The following ATP5F1C variants were observed in gnomAD, a reference collection of about 807,000 sequenced individuals.
ATP5F1C encodes the protein ATP synthase F1 subunit gamma, also known as ATP synthase F(1) complex subunit gamma, mitochondrial.
A neutral mutation model predicts 37.4 loss-of-function variants in ATP5F1C; 22 were observed. That is an observed-to-expected ratio of 0.59 (90% CI 0.42 to 0.84). ATP5F1C has a LOEUF of 0.84. ATP5F1C is among the 40% of genes least tolerant of loss of function. The pLI is 0.00. For synonymous variants in ATP5F1C, 121 were observed against 128.0 expected, an observed-to-expected ratio of 0.95 and a Z score of 0.37; for missense variants, 286 against 362.4, an observed-to-expected ratio of 0.79 and a Z score of 1.71.
intron 7 of ATP5F1C, 34 bp downstream of exon 7, chr10:7,802,459 T>C: frequency 6.3e-7 from 1 of 1,584,346 alleles, no homozygotes; most frequent in Non-Finnish European, 8.6e-7. Flanking sequence ...CCAGCAGGAG[T>C]GCTTGTGAGC....
In ATP5F1C at chr10:7,797,031, T is replaced by A; in HGVS notation, c.92-16T>A. ...CTGTAATTCCTTTGTCTTAACACAG[T>A]ACTTCTATTTTTCAGTCACCAGGAG... On this transcript the variant is annotated splice_polypyrimidine_tract_variant and intron_variant, in intron 2 of 9. Transcript: ENST00000356708. 1 of 1,612,832 alleles carries A rather than the reference T, an allele frequency of 6.2e-7. No homozygotes were observed. Among genetic ancestry groups the A allele is most frequent in the Non-Finnish European group, 8.5e-7 (1 of 1,179,258 alleles).
At chr10:7,794,912 A>G (rs1034068907) in intron 1 of ATP5F1C, among the ~76,000 whole-genome samples, 1 of 152,162 alleles carries the variant, frequency 6.6e-6, no homozygotes, top group African/African-American at 2.4e-5. Flanking sequence ...TTGCAAATCT[A>G]GTCTCCTATT....
At chr10:7,800,587 C>T (rs1035229332) in intron 6 of ATP5F1C, among the ~76,000 whole-genome samples, 32 of 148,160 alleles carry the variant, frequency 2.2e-4, no homozygotes, top group Non-Finnish European at 3.9e-4. Flanking sequence ...CTTCGCCTCC[C>T]GGGTTCACGC....
At chr10:7,802,512 G>C in intron 7 of ATP5F1C, 87 bp downstream of exon 7, 1 of 1,452,682 alleles carries the variant, frequency 6.9e-7, no homozygotes. Context: ...GCCGAGAGTA[G>C]CATCAACAAC....
rs558829438 is a variant in ATP5F1C, at chr10:7,805,777, A to G, written c.891-1197A>G. On this transcript the variant is annotated intron_variant, in intron 8 of 9. Coordinates refer to ENST00000356708, the MANE Select transcript of ATP5F1C (RefSeq NM_001001973.3). ...AAAAAAAAAAAAAAAAAAGAAATGC[A>G]GGAAACCTATTTAAAAGTAACAGAA... Among the ~76,000 whole-genome samples, 568 of 150,768 alleles carry G rather than the reference A, an allele frequency of 3.8e-3. 26 individuals are homozygous for G. In the South Asian group the frequency reaches 0.1, roughly 27 times the overall value.
chr10:7,804,539 C>G (rs769871488), intron 8 of ATP5F1C, among the ~76,000 whole-genome samples: 1 of 152,200 alleles, frequency 6.6e-6, no homozygotes, highest in Non-Finnish European at 1.5e-5. Flanking sequence ...TCCTTCCTTA[C>G]TCAGCTGGGG....
At chr10:7,793,003 G>T (rs1836185989) in intron 1 of ATP5F1C, among the ~76,000 whole-genome samples, 1 of 152,120 alleles carries the variant, frequency 6.6e-6, no homozygotes, top group South Asian at 2.1e-4. Context: ...CAGTTTCTTG[G>T]GTTTTATCCA....
intron 6 of ATP5F1C, 63 bp downstream of exon 6, chr10:7,800,154 G>A: frequency 1.4e-6 from 2 of 1,457,506 alleles, no homozygotes; most frequent in Non-Finnish European, 1.9e-6. Flanking sequence ...TGTACACTAA[G>A]GCAGACAGTG....
intron 6 of ATP5F1C, among the ~76,000 whole-genome samples, chr10:7,800,495 T>A (rs1236728617): frequency 6.9e-4 from 96 of 139,820 alleles, no homozygotes; most frequent in East Asian, 1.2e-3. Flanking sequence ...CCTTTTATTT[T>A]TTTATTTTTT....
intron 1 of ATP5F1C, 148 bp downstream of exon 1, chr10:7,788,411 G>A: frequency 1.7e-6 from 2 of 1,208,182 alleles, no homozygotes; most frequent in Non-Finnish European, 2.3e-6. Context: ...CGGGTAGCGG[G>A]GGCTGCAGGA....
At chr10:7,801,144 A>T (rs1836358170) in intron 6 of ATP5F1C, among the ~76,000 whole-genome samples, 1 of 151,936 alleles carries the variant, frequency 6.6e-6, no homozygotes, top group Non-Finnish European at 1.5e-5. Flanking sequence ...AACTGATTTT[A>T]GTTTTCTAAG....
chr10:7,801,138 G>A (rs1836358058), intron 6 of ATP5F1C, among the ~76,000 whole-genome samples: 1 of 152,088 alleles, frequency 6.6e-6, no homozygotes, highest in Non-Finnish European at 1.5e-5. Flanking sequence ...TTCTGGAACT[G>A]ATTTTAGTTT....
At chr10:7,801,532 T>TTCAAATGAC (rs1836366099) in intron 6 of ATP5F1C, 1 of 152,236 alleles carries the variant, frequency 6.6e-6, no homozygotes, top group African/African-American at 2.4e-5. Flanking sequence ...TTCAGATTTC[T>TTCAAATGAC]TCAGTAATCA....
intron 3 of ATP5F1C, among the ~76,000 whole-genome samples, 189 bp from the exon 4 acceptor site, chr10:7,798,801 G>T (rs987789536): frequency 4.6e-5 from 7 of 152,216 alleles, no homozygotes; most frequent in Non-Finnish European, 4.4e-5. Context: ...AAAGTGCTGG[G>T]ATTACAGGCG....
chr10:7,788,373 A>T, intron 1 of ATP5F1C, 110 bp downstream of exon 1: 1 of 1,450,990 alleles, frequency 6.9e-7, no homozygotes, highest in Non-Finnish European at 9.4e-7. Flanking sequence ...CGCAGGGCCT[A>T]GCTGGGCCCC....
intron 1 of ATP5F1C, among the ~76,000 whole-genome samples, chr10:7,794,001 A>G (rs529795194): frequency 6.6e-6 from 1 of 152,286 alleles, no homozygotes; most frequent in East Asian, 1.9e-4. Context: ...TGGCCTTCCT[A>G]TATAACCTTG....
At position 7,799,183 on chromosome 10, in the gene ATP5F1C, C is replaced by A; in HGVS notation, c.417C>A (p.Gly139=). 6.2e-7 allele frequency: 1 copy of A among 1,613,554 alleles called. No homozygotes were observed. Among genetic ancestry groups the A allele is most frequent in the Non-Finnish European group, 8.5e-7 (1 of 1,179,668 alleles). ...TTGGAATTGGTGACAAAATCAGAGG[C>A]ATACTTTATAGGTAATTTAAATATA... ...MLVGIGDKIR[G]ILYRTHSDQF... The change falls in exon 4 of 10, where the codon GGC becomes GGA. Residue 139 remains glycine (G), a synonymous_variant. Transcript: ENST00000356708.
chr10:7,800,498 T>A (rs7095050), intron 6 of ATP5F1C, among the ~76,000 whole-genome samples: 3,169 of 146,562 alleles, frequency 0.022, 58 homozygotes, highest in Non-Finnish European at 0.032. Context: ...TTTATTTTTT[T>A]ATTTTTTATT....
At chr10:7,788,600 C>G (rs967586598) in intron 1 of ATP5F1C, among the ~76,000 whole-genome samples, 7 of 152,220 alleles carry the variant, frequency 4.6e-5, no homozygotes, top group Non-Finnish European at 8.8e-5. Context: ...GCTTCCACTT[C>G]CACTGCAAGC....
Sources: allele counts gnomAD v4.1 joint callset (sites outside exome capture counted in the v4.1 genomes callset), GRCh38; gene constraint gnomAD v4.1.1; transcripts MANE v1.5; gene names NCBI Gene and HGNC (gene_info 2026-07-23, HGNC 2026-07-21).